HDAC9: variants seen among roughly 807,000 people sequenced by gnomAD.
HDAC9 encodes the protein MEF-2 interacting transcription repressor (MITR) protein.
In HDAC9, 41 loss-of-function variants were observed where a neutral mutation model predicts 139.4. The observed-to-expected ratio is 0.29, with a 90% CI of 0.23 to 0.38. The LOEUF is 0.38. Ranked by LOEUF, HDAC9 falls within the 10% of genes least tolerant of loss-of-function variation. The probability of loss-of-function intolerance (pLI) is 1.00; values close to 1 mark genes in which losing one functional copy is unlikely to be tolerated. For missense variants in HDAC9, 1,147 were observed against 1,297.0 expected (o/e 0.88, Z 1.78); for synonymous variants, 517 against 476.2 (o/e 1.09, Z -1.12).
intron 1 of HDAC9, among the ~76,000 whole-genome samples, chr7:18,390,458 T>A (rs1786368901): frequency 6.6e-6 from 1 of 152,166 alleles, no homozygotes; most frequent in South Asian, 2.1e-4. Context: ...TATTCTTAGT[T>A]CCTGTTTTTC....
chr7:18,169,568 A>C (rs181437619), intron 2 of HDAC9, among the ~76,000 whole-genome samples: 12 of 152,102 alleles, frequency 7.9e-5, no homozygotes, highest in African/African-American at 2.7e-4. Flanking sequence ...CCATTAACTC[A>C]TCATTTACAT....
At chr7:18,899,358 C>T (rs1376655173) in intron 22 of HDAC9, 1 of 151,834 alleles carries the variant, frequency 6.6e-6, no homozygotes, top group African/African-American at 2.4e-5. Context: ...CTTGCTCTCC[C>T]TATAGCCAAA....
At chr7:18,290,428 A>G (rs2128224342) in exon 1 of HDAC9, 1 of 455,764 alleles carries the variant, frequency 2.2e-6, no homozygotes, top group Non-Finnish European at 4.4e-6. Flanking sequence ...CTTTAATATT[A>G]TAACGGATAC....
chr7:18,443,416 T>C (rs1340313049), intron 1 of HDAC9, among the ~76,000 whole-genome samples: 3 of 152,176 alleles, frequency 2.0e-5, no homozygotes, highest in Non-Finnish European at 2.9e-5. Flanking sequence ...CTGGGTGTGT[T>C]CTAGGAAGAA....
intron 12 of HDAC9, among the ~76,000 whole-genome samples, chr7:18,690,260 G>A (rs999995217): frequency 2.0e-5 from 3 of 152,002 alleles, no homozygotes; most frequent in Non-Finnish European, 2.9e-5. Flanking sequence ...GTTATAATAC[G>A]CCAAGATGCA....
chr7:18,291,035 A>G (rs1288371461), intron 1 of HDAC9, among the ~76,000 whole-genome samples: 2 of 152,180 alleles, frequency 1.3e-5, no homozygotes, highest in Admixed American at 6.6e-5. Context: ...ACATAGCTTC[A>G]ACAGCTATGA....
intron 5 of HDAC9, 128 bp from the exon 6 acceptor site, chr7:18,593,780 T>G: frequency 1.1e-6 from 1 of 924,944 alleles, no homozygotes; most frequent in Non-Finnish European, 1.7e-6. Flanking sequence ...GGCTATGGTT[T>G]GTATACACTA....
chr7:18,826,100 C>G (rs1795411464), intron 17 of HDAC9, among the ~76,000 whole-genome samples: 1 of 152,082 alleles, frequency 6.6e-6, no homozygotes, highest in South Asian at 2.1e-4. Context: ...AACACCTTCT[C>G]TAGTGTGACA....
intron 1 of HDAC9, among the ~76,000 whole-genome samples, chr7:18,451,429 A>G (rs377720056): frequency 7.6e-4 from 105 of 137,698 alleles, no homozygotes; most frequent in Middle Eastern, 3.8e-3. Flanking sequence ...GTGTATATAT[A>G]TGTGTGTGTG....
At chr7:18,976,041 C>T (rs1442874761) in intron 25 of HDAC9, 88 bp downstream of exon 25, 2 of 1,356,030 alleles carry the variant, frequency 1.5e-6, no homozygotes, top group Non-Finnish European at 1.0e-6. Flanking sequence ...GGCTTTCCTT[C>T]ACCTGTCTCC....
chr7:18,348,169 C>A (rs1330769757), intron 1 of HDAC9, among the ~76,000 whole-genome samples: 1 of 152,176 alleles, frequency 6.6e-6, no homozygotes, highest in East Asian at 1.9e-4. Flanking sequence ...AAAGCACAAG[C>A]ACCCCAGGTA....
chr7:18,364,755 G>C (rs759441365), intron 1 of HDAC9, among the ~76,000 whole-genome samples: 2 of 152,056 alleles, frequency 1.3e-5, no homozygotes, highest in Non-Finnish European at 1.5e-5. Context: ...ACAAACCTTC[G>C]AATTTTCCTG....
intron 22 of HDAC9, among the ~76,000 whole-genome samples, chr7:18,903,944 C>T (rs1006470513): frequency 2.6e-5 from 4 of 152,136 alleles, no homozygotes; most frequent in African/African-American, 4.8e-5. Flanking sequence ...CCACATGACC[C>T]TTACACAACT....
intron 23 of HDAC9, among the ~76,000 whole-genome samples, chr7:18,943,979 G>C (rs1344725879): frequency 6.6e-6 from 1 of 151,874 alleles, no homozygotes; most frequent in Non-Finnish European, 1.5e-5. Context: ...CAATCTATTT[G>C]GTCAAGAATT....
intron 2 of HDAC9, among the ~76,000 whole-genome samples, chr7:18,514,508 A>G (rs1416430222): frequency 6.6e-6 from 1 of 152,266 alleles, no homozygotes; most frequent in Non-Finnish European, 1.5e-5. Flanking sequence ...AGTTAAGCAC[A>G]ATAACAGAGA....
At chr7:18,428,610 A>G (rs781766043) in intron 1 of HDAC9, among the ~76,000 whole-genome samples, 6 of 152,172 alleles carry the variant, frequency 3.9e-5, no homozygotes, top group Non-Finnish European at 7.3e-5. Context: ...CAAAACAAAC[A>G]AACAAAAACA....
intron 12 of HDAC9, among the ~76,000 whole-genome samples, chr7:18,681,300 A>G (rs974156415): frequency 6.6e-6 from 1 of 152,038 alleles, no homozygotes; most frequent in Non-Finnish European, 1.5e-5. Flanking sequence ...CATAAAAAAG[A>G]TGGTGATTAA....
rs149102348 is a variant in HDAC9 at position 18,571,430 on chromosome 7, G to A, written c.23-13851G>A. Among the ~76,000 whole-genome samples, 71 of 152,194 alleles carry A rather than the reference G, an allele frequency of 4.7e-4. 2 individuals are homozygous for A. The East Asian group carries it at 9.1e-3, about 19-fold the overall frequency. On this transcript the variant is annotated intron_variant, in intron 2 of 25. Transcript: ENST00000686413. ...GGAGGAAGTGAGTGGATAGAACCTT[G>A]GTTCCTCCTCTCCGTCTTTTCTAAA...
intron 1 of HDAC9, among the ~76,000 whole-genome samples, chr7:18,420,444 C>T (rs1240098787): frequency 1.3e-5 from 2 of 152,090 alleles, no homozygotes; most frequent in Non-Finnish European, 2.9e-5. Context: ...AATAATATAA[C>T]AATAAACAGA....
Sources: allele counts gnomAD v4.1 joint callset (sites outside exome capture counted in the v4.1 genomes callset), GRCh38; gene constraint gnomAD v4.1.1; transcripts MANE v1.5; gene names NCBI Gene and HGNC (gene_info 2026-07-23, HGNC 2026-07-21).